IL1RAPL2: variants seen among roughly 807,000 people sequenced by gnomAD.
IL1RAPL2 encodes the protein interleukin 1 receptor accessory protein like 2.
IL1RAPL2 carries 3 observed loss-of-function variants against 44.1 expected under a neutral mutation model. The ratio of observed to expected loss-of-function variants is 0.07; its 90% CI spans 0.03 to 0.18. The LOEUF is 0.18. Among genes scored for constraint, IL1RAPL2 ranks in the 10% least tolerant of loss-of-function variants. The pLI, the probability that IL1RAPL2 is intolerant of heterozygous loss-of-function variation, is 1.00. For missense variants in IL1RAPL2, 391 were observed against 496.4 expected, an observed-to-expected ratio of 0.79 and a Z score of 2.02; for synonymous variants, 181 against 178.8, an observed-to-expected ratio of 1.01 and a Z score of -0.10.
At chrX:105,004,858 T>C (rs2030913372) in intron 2 of IL1RAPL2, among the ~76,000 whole-genome samples, 1 of 111,192 alleles carries the variant, frequency 9.0e-6, no homozygotes, top group Non-Finnish European at 1.9e-5. Flanking sequence ...CAATGTGAGA[T>C]GATGTTATCT....
intron 2 of IL1RAPL2, among the ~76,000 whole-genome samples, chrX:105,050,337 G>A (rs1390941659): frequency 8.9e-6 from 1 of 112,044 alleles, no homozygotes; most frequent in African/African-American, 3.2e-5. Flanking sequence ...GTTGCTATAA[G>A]ATGATGCTAC....
chrX:104,725,316 C>T (rs887735311), intron 2 of IL1RAPL2, among the ~76,000 whole-genome samples: 2 of 111,850 alleles, frequency 1.8e-5, no homozygotes. Context: ...CAAGTTTTTG[C>T]TATTGTGAAT....
intron 3 of IL1RAPL2, among the ~76,000 whole-genome samples, chrX:105,210,342 G>GC (rs1355904506): frequency 1.8e-5 from 2 of 111,299 alleles, no homozygotes; most frequent in African/African-American, 6.5e-5. Context: ...TCTATCTCAT[G>GC]CCCCCTACTC....
Position 104,824,724 on chromosome X carries a change from G to A in IL1RAPL2, c.82+165729G>A, listed in dbSNP as rs1383000017. ...GGTAGTTTATATTTCTGTGGAATCA[G>A]TGGTGATCTCCCCTTTATACTTTTT... On this transcript the variant is annotated intron_variant, in intron 2 of 10. Coordinates refer to ENST00000372582, the MANE Select transcript of IL1RAPL2 (RefSeq NM_017416.2). Among the ~76,000 whole-genome samples, 4 of 111,777 alleles carry A rather than the reference G, an allele frequency of 3.6e-5. No homozygotes were observed. The South Asian group carries it at 1.5e-3, about 42-fold the overall frequency.
chrX:105,208,909 C>G (rs2033786173), intron 3 of IL1RAPL2, among the ~76,000 whole-genome samples: 1 of 111,770 alleles, frequency 8.9e-6, no homozygotes, highest in Admixed American at 9.6e-5. Flanking sequence ...GCACCATGCA[C>G]ACTGTCCACA....
intron 7 of IL1RAPL2, among the ~76,000 whole-genome samples, chrX:105,728,441 AC>A (rs1447264914): frequency 7.1e-5 from 8 of 112,107 alleles, no homozygotes; most frequent in African/African-American, 2.3e-4. Context: ...TGCTAGTGGT[AC>A]AAAAATTAAA....
intron 2 of IL1RAPL2, among the ~76,000 whole-genome samples, chrX:104,904,803 T>C (rs1923934845): frequency 9.2e-6 from 1 of 108,154 alleles, no homozygotes; most frequent in Admixed American, 9.7e-5. Flanking sequence ...TTTATAGTCC[T>C]TTGGGTATAT....
intron 2 of IL1RAPL2, among the ~76,000 whole-genome samples, chrX:105,073,412 T>C (rs1361670678): frequency 9.1e-6 from 1 of 110,260 alleles, no homozygotes; most frequent in Non-Finnish European, 1.9e-5. Flanking sequence ...CCACGGTGTA[T>C]ATGTGCCACA....
chrX:105,487,479 C>A (rs2036279272), intron 6 of IL1RAPL2, among the ~76,000 whole-genome samples: 1 of 111,923 alleles, frequency 8.9e-6, no homozygotes, highest in East Asian at 2.8e-4. Flanking sequence ...GTTTGTAACA[C>A]AATTGGAAAC....
intron 6 of IL1RAPL2, among the ~76,000 whole-genome samples, chrX:105,651,838 A>G (rs1283056563): frequency 8.9e-6 from 1 of 112,063 alleles, no homozygotes; most frequent in East Asian, 2.8e-4. Context: ...CGCTTTGCAC[A>G]GTATTTAGCA....
At chrX:104,784,896 G>T (rs1466969059) in intron 2 of IL1RAPL2, among the ~76,000 whole-genome samples, 1 of 110,090 alleles carries the variant, frequency 9.1e-6, no homozygotes, top group African/African-American at 3.3e-5. Context: ...AGAGGAAGAG[G>T]ACAAAAAAAG....
chrX:105,432,790 A>G (rs1405951817), intron 5 of IL1RAPL2, among the ~76,000 whole-genome samples: 1 of 111,334 alleles, frequency 9.0e-6, no homozygotes, highest in Non-Finnish European at 1.9e-5. Context: ...GCCTTAGAAA[A>G]TCTACTTACC....
intron 2 of IL1RAPL2, among the ~76,000 whole-genome samples, chrX:104,899,452 T>A (rs1301357762): frequency 2.7e-5 from 3 of 111,964 alleles, no homozygotes. Context: ...TTCTGGGTTT[T>A]AAATTAGGAA....
rs192990909 is a variant in IL1RAPL2, at chrX:105,378,674, A to G, written c.698-105639A>G. The stretch of plus-strand genomic sequence containing the variant: ...ATGTTTTTTCTGAAACAGATTTTGT[A>G]CCTAAACTGAAAAACATTTAGTGAC... On this transcript the variant is annotated intron_variant, in intron 5 of 10. Coordinates refer to ENST00000372582, the MANE Select transcript of IL1RAPL2 (RefSeq NM_017416.2). Among the ~76,000 whole-genome samples the G allele has an allele frequency of 1.8e-3, 204 of 111,968 alleles. 1 individual carries two copies. The highest frequency in any genetic ancestry group is 2.9e-3 in the Non-Finnish European group (156 of 53,036).
chrX:104,883,761 G>A (rs1460705475), intron 2 of IL1RAPL2, among the ~76,000 whole-genome samples: 5 of 111,506 alleles, frequency 4.5e-5, no homozygotes, highest in Admixed American at 1.9e-4. Context: ...TTTACCCAAA[G>A]CCCCATCACA....
intron 6 of IL1RAPL2, among the ~76,000 whole-genome samples, chrX:105,665,753 T>TTTTTTTTTTTTTTTTTTTGTTG (rs2037759802): frequency 2.9e-5 from 2 of 69,315 alleles, no homozygotes; most frequent in Non-Finnish European, 5.5e-5. Flanking sequence ...TTTTTTTTTT[T>TTTTTTTTTTTTTTTTTTTGTTG]TTGTTGTTGT....
intron 2 of IL1RAPL2, among the ~76,000 whole-genome samples, chrX:104,876,990 T>G (rs767660595): frequency 1.8e-5 from 2 of 110,351 alleles, no homozygotes; most frequent in South Asian, 7.8e-4. Flanking sequence ...TTTGGTTTTT[T>G]GTTCTTGCGA....
chrX:105,183,402 G>A (rs2033554065), intron 2 of IL1RAPL2, among the ~76,000 whole-genome samples: 2 of 111,757 alleles, frequency 1.8e-5, no homozygotes, highest in Admixed American at 1.9e-4. Context: ...CAGCAGCCAT[G>A]CTACTTTGGG....
intron 2 of IL1RAPL2, among the ~76,000 whole-genome samples, chrX:104,838,425 A>G (rs1434873799): frequency 9.0e-6 from 1 of 110,627 alleles, no homozygotes; most frequent in Admixed American, 9.6e-5. Flanking sequence ...GTAGTTCTTG[A>G]TGAGGTCCTT....
Sources: gnomAD v4.1 joint callset for allele counts (sites outside exome capture counted in the v4.1 genomes callset) on GRCh38, gnomAD v4.1.1 for gene constraint, MANE v1.5 for transcripts, NCBI Gene and HGNC (gene_info 2026-07-23, HGNC 2026-07-21) for gene names.